Variants in SPIRE1 observed in about 807,000 individuals in gnomAD.
SPIRE1 encodes protein spire homolog 1.
In SPIRE1, 40 loss-of-function variants were observed where a neutral mutation model predicts 94.1. The ratio of observed to expected loss-of-function variants is 0.43; its 90% CI spans 0.33 to 0.55. The LOEUF is 0.55. SPIRE1 is among the 20% of genes least tolerant of loss of function. SPIRE1 has a pLI of 0.06. For synonymous variants in SPIRE1, 376 were observed against 371.7 expected (o/e 1.01, Z -0.13); for missense variants, 838 against 975.2 (o/e 0.86, Z 1.87).
At chr18:12,648,109 G>A (rs2038275149) in intron 1 of SPIRE1, among the ~76,000 whole-genome samples, 3 of 152,114 alleles carry the variant, frequency 2.0e-5, no homozygotes, top group South Asian at 2.1e-4. Flanking sequence ...AGTAAATGGA[G>A]GAGAAGGCAC....
At chr18:12,564,424 T>A (rs2062363732) in intron 2 of SPIRE1, among the ~76,000 whole-genome samples, 1 of 152,106 alleles carries the variant, frequency 6.6e-6, no homozygotes, top group Admixed American at 6.6e-5. Context: ...AACACATGTA[T>A]AAGGCAAAAC....
intron 11 of SPIRE1, 110 bp from the exon 12 acceptor site, chr18:12,463,603 G>A: frequency 1.1e-6 from 1 of 905,328 alleles, no homozygotes; most frequent in Non-Finnish European, 1.6e-6. Context: ...TATTTCATTG[G>A]AGAGATATTT....
chr18:12,631,411 G>C (rs1291785234), intron 2 of SPIRE1, among the ~76,000 whole-genome samples: 1 of 151,446 alleles, frequency 6.6e-6, no homozygotes, highest in Non-Finnish European at 1.5e-5. Context: ...TTAATGTCAG[G>C]CTCAATGAAA....
intron 8 of SPIRE1, 142 bp downstream of exon 8, chr18:12,492,930 G>C: frequency 1.1e-6 from 1 of 923,562 alleles, no homozygotes. Context: ...ATGTATACGA[G>C]AGAGTGAGAG....
At chr18:12,527,096 T>C (rs1256258753) in intron 4 of SPIRE1, among the ~76,000 whole-genome samples, 1 of 152,192 alleles carries the variant, frequency 6.6e-6, no homozygotes, top group East Asian at 1.9e-4. Flanking sequence ...CTCCATTCAC[T>C]AGGCTTTGTG....
At chr18:12,509,596 A>G (rs1418116850) in intron 5 of SPIRE1, among the ~76,000 whole-genome samples, 1 of 152,204 alleles carries the variant, frequency 6.6e-6, no homozygotes, top group Non-Finnish European at 1.5e-5. Context: ...AATGTTACAA[A>G]TATCTTGAAG....
intron 2 of SPIRE1, among the ~76,000 whole-genome samples, chr18:12,632,938 C>T (rs2037823707): frequency 6.6e-6 from 1 of 152,128 alleles, no homozygotes; most frequent in Admixed American, 6.6e-5. Context: ...TACCTAAATG[C>T]AGATGAATGC....
intron 1 of SPIRE1, among the ~76,000 whole-genome samples, chr18:12,636,690 A>G (rs937295696): frequency 4.6e-5 from 7 of 152,178 alleles, no homozygotes; most frequent in African/African-American, 1.7e-4. Context: ...ACATATATAT[A>G]AAATGAGCTT....
intron 6 of SPIRE1, among the ~76,000 whole-genome samples, chr18:12,505,608 A>C (rs1287059720): frequency 6.6e-6 from 1 of 152,050 alleles, no homozygotes; most frequent in African/African-American, 2.4e-5. Context: ...AGTGGTCAGA[A>C]TCAGGATATA....
chr18:12,461,679 G>C (rs1179578452), intron 12 of SPIRE1, among the ~76,000 whole-genome samples: 2 of 151,534 alleles, frequency 1.3e-5, no homozygotes, highest in Non-Finnish European at 2.9e-5. Flanking sequence ...CTACGCTGGG[G>C]TGGAGTGGCA....
intron 2 of SPIRE1, among the ~76,000 whole-genome samples, chr18:12,622,803 C>T (rs945209080): frequency 1.3e-5 from 2 of 152,172 alleles, no homozygotes; most frequent in African/African-American, 4.8e-5. Flanking sequence ...ACTCTCCCTC[C>T]TTCTCTATGC....
chr18:12,545,188 T>G lies in SPIRE1; in HGVS notation c.603+1486A>C, dbSNP rs151289749. Among the ~76,000 whole-genome samples the G allele has an allele frequency of 7.0e-4, 106 of 152,328 alleles. 1 individual carries two copies. Among genetic ancestry groups the G allele is most frequent in the African/African-American group, 2.5e-3 (103 of 41,582 alleles). On this transcript the variant is annotated intron_variant, in intron 3 of 16. Coordinates refer to ENST00000409402, the MANE Select transcript of SPIRE1 (RefSeq NM_001128626.2). ...TGTTTTTAAAAAATAAACCTTAACA[T>G]CTAGAAAACATAACATAAATAAAAC...
chr18:12,616,978 GCCT>G (rs762901961), intron 2 of SPIRE1, among the ~76,000 whole-genome samples: 5 of 151,486 alleles, frequency 3.3e-5, no homozygotes, highest in Non-Finnish European at 5.9e-5. Context: ...CCCTGCCTCA[GCCT>G]CCCAAGTAGC....
intron 2 of SPIRE1, among the ~76,000 whole-genome samples, chr18:12,610,377 T>G (rs1209638089): frequency 6.6e-6 from 1 of 152,174 alleles, no homozygotes; most frequent in East Asian, 1.9e-4. Context: ...CCAGTAATCT[T>G]TCAACCCCAT....
upstream of SPIRE1, chr18:12,658,430 G>A (rs948415778): frequency 5.0e-6 from 2 of 402,724 alleles, no homozygotes; most frequent in Non-Finnish European, 1.0e-5. Flanking sequence ...CGCGGGGCCG[G>A]GCGCGCGGTC....
In SPIRE1 at chr18:12,657,947, C is replaced by T. The variant is rs913646113; in HGVS notation, c.-81G>A. The T allele has an allele frequency of 5.3e-4, 533 of 1,007,994 alleles. No individual in the cohort carries two copies. The highest frequency in any genetic ancestry group is 6.5e-4 in the Admixed American group (11 of 16,910). The allele number at this position is 1,007,994 out of a possible 1,614,324, so 62.4% of individuals were successfully genotyped here. A position where few individuals can be genotyped will look rare whatever the true frequency, so the allele number is the denominator to read the frequency against. ...TCCGGAGCATCGTCGTCGCGCGCCG[C>T]CGCCTCACCATCCCCGGAACCGCCG... On this transcript the variant is annotated 5_prime_UTR_variant, in exon 1 of 17. Transcript: ENST00000409402.
At chr18:12,642,518 T>C (rs2038113934) in intron 1 of SPIRE1, among the ~76,000 whole-genome samples, 1 of 152,190 alleles carries the variant, frequency 6.6e-6, no homozygotes, top group Non-Finnish European at 1.5e-5. Flanking sequence ...AATTTGGATA[T>C]TATCTTTTAT....
chr18:12,604,572 T>G (rs535818435), intron 2 of SPIRE1, among the ~76,000 whole-genome samples: 1 of 152,184 alleles, frequency 6.6e-6, no homozygotes, highest in Non-Finnish European at 1.5e-5. Context: ...TGAGTTGACA[T>G]GATGGCCTCC....
At chr18:12,629,075 A>G (rs541905591) in intron 2 of SPIRE1, among the ~76,000 whole-genome samples, 2 of 152,326 alleles carry the variant, frequency 1.3e-5, no homozygotes, top group East Asian at 3.9e-4. Flanking sequence ...AGTTCATTTA[A>G]CTTTATATAA....
Sources: gnomAD v4.1 joint callset for allele counts (sites outside exome capture counted in the v4.1 genomes callset) on GRCh38, gnomAD v4.1.1 for gene constraint, MANE v1.5 for transcripts, NCBI Gene and HGNC (gene_info 2026-07-23, HGNC 2026-07-21) for gene names.